Variants in SCP2 observed in about 807,000 individuals in gnomAD.
The protein encoded by SCP2 is SCP-2/3-oxoacyl-CoA thiolase.
SCP2 carries 48 observed loss-of-function variants against 71.4 expected under a neutral mutation model. The observed-to-expected ratio is 0.67, with a 90% CI of 0.53 to 0.86. SCP2 has a LOEUF of 0.86. SCP2 is among the 40% of genes least tolerant of loss of function. The pLI is 0.00. For missense variants in SCP2, 560 were observed against 655.6 expected, an observed-to-expected ratio of 0.85 and a Z score of 1.59; for synonymous variants, 220 against 218.1, an observed-to-expected ratio of 1.01 and a Z score of -0.08.
chr1:52,942,866 A>AT (rs1400079473), intron 2 of SCP2, among the ~76,000 whole-genome samples: 1 of 151,396 alleles, frequency 6.6e-6, no homozygotes, highest in Admixed American at 6.6e-5. Flanking sequence ...CGCCAGGCTA[A>AT]TTTTTTTGTA....
chr1:52,934,592 CTTTTTTTTTTTTTTTTTTTTT>C (rs771433635), intron 1 of SCP2, among the ~76,000 whole-genome samples: 7 of 29,036 alleles, frequency 2.4e-4, no homozygotes, highest in Non-Finnish European at 4.1e-4. Flanking sequence ...TTCCAGCTAA[CTTTTTTTTTTTTTTTTTTTTT>C]TTTTTTTTTT....
At chr1:53,016,395 G>A (rs544385330) in intron 12 of SCP2, among the ~76,000 whole-genome samples, 1 of 152,032 alleles carries the variant, frequency 6.6e-6, no homozygotes, top group South Asian at 2.1e-4. Context: ...TGTTCCTGGA[G>A]TCTCTCATAT....
At chr1:53,021,317 CTTT>C (rs35858975) in intron 12 of SCP2, among the ~76,000 whole-genome samples, 1 of 127,362 alleles carries the variant, frequency 7.9e-6, no homozygotes, top group Admixed American at 8.2e-5. Context: ...CCGTCAACCA[CTTT>C]TTTTTTTTTT....
At chr1:52,934,714 G>C (rs1361587659) in intron 1 of SCP2, among the ~76,000 whole-genome samples, 12 of 139,494 alleles carry the variant, frequency 8.6e-5, no homozygotes, top group Non-Finnish European at 1.5e-4. Flanking sequence ...CTGGGTTCAC[G>C]CCATTCTCCT....
rs1249540810 is a variant in SCP2, at chr1:52,994,785, C to T, written c.1081+6649C>T. The T allele has an allele frequency of 8.8e-6, 5 of 568,116 alleles. No homozygotes were observed. In the East Asian group the frequency reaches 2.4e-4, roughly 27 times the overall value. The allele number at this position is 568,116 out of a possible 1,614,324, so 35.2% of individuals were successfully genotyped here. A position where few individuals can be genotyped will look rare whatever the true frequency, so the allele number is the denominator to read the frequency against. On this transcript the variant is annotated intron_variant, in intron 11 of 15. Transcript: ENST00000371514. ...GTGGCAACCGGATGGGTGCCAAGTG[C>T]TGGGATGTGATCAGTGATGAACGTG...
chr1:52,965,742 C>T (rs950681511), intron 6 of SCP2, among the ~76,000 whole-genome samples: 1 of 152,060 alleles, frequency 6.6e-6, no homozygotes, highest in African/African-American at 2.4e-5. Flanking sequence ...TCAAGCGATT[C>T]TCCTGCCTCA....
At position 53,050,881 on chromosome 1, in the gene SCP2, A is replaced by G. The variant is rs1664159121; in HGVS notation, c.*177A>G. ...CTATGCTCTGGGTGAATAGAGCCTG[A>G]TGGTATACTACTGCTTTGCGGAATT... On this transcript the variant is annotated 3_prime_UTR_variant, in exon 16 of 16. Transcript: ENST00000371514. The G allele has an allele frequency of 3.5e-6, 2 of 579,274 alleles. No homozygotes were observed. Among genetic ancestry groups the G allele is most frequent in the Non-Finnish European group, 6.2e-6 (2 of 321,840 alleles). The allele number at this position is 579,274 out of a possible 1,614,324, so 35.9% of individuals were successfully genotyped here. A position where few individuals can be genotyped will look rare whatever the true frequency, so the allele number is the denominator to read the frequency against.
chr1:52,989,031 T>C (rs1373159078), intron 11 of SCP2, among the ~76,000 whole-genome samples: 1 of 152,138 alleles, frequency 6.6e-6, no homozygotes, highest in African/African-American at 2.4e-5. Flanking sequence ...CTTCAAATAG[T>C]GTTATGCCAT....
chr1:52,933,856 C>T (rs1460857952), intron 1 of SCP2, among the ~76,000 whole-genome samples: 1 of 152,170 alleles, frequency 6.6e-6, no homozygotes, highest in African/African-American at 2.4e-5. Context: ...TGTATGTTGA[C>T]ATTTACACTG....
At chr1:53,002,933 T>TA (rs1317217272) in intron 11 of SCP2, among the ~76,000 whole-genome samples, 4 of 152,236 alleles carry the variant, frequency 2.6e-5, no homozygotes, top group Non-Finnish European at 5.9e-5. Context: ...TGGTAAGGCC[T>TA]AAATCCAATA....
chr1:52,950,673 A>G, intron 3 of SCP2, 82 bp from the exon 4 acceptor site: 1 of 1,145,554 alleles, frequency 8.7e-7, no homozygotes, highest in Non-Finnish European at 1.3e-6. Context: ...AAGGTATAAT[A>G]TTGAAAAAAC....
chr1:53,022,224 A>G (rs567113918), intron 12 of SCP2, among the ~76,000 whole-genome samples: 2 of 152,316 alleles, frequency 1.3e-5, no homozygotes, highest in Admixed American at 6.5e-5. Flanking sequence ...GAAATCATAC[A>G]TTGTATGGCC....
At chr1:53,026,209 A>G (rs1662119990) in intron 12 of SCP2, among the ~76,000 whole-genome samples, 1 of 152,232 alleles carries the variant, frequency 6.6e-6, no homozygotes. Context: ...TCAAATCAGT[A>G]TACTTGGGAT....
intron 12 of SCP2, among the ~76,000 whole-genome samples, chr1:53,016,775 C>T (rs1661369381): frequency 2.0e-5 from 3 of 152,070 alleles, no homozygotes; most frequent in Non-Finnish European, 4.4e-5. Flanking sequence ...ATGCAATGCT[C>T]AGGAGTTTGG....
intron 13 of SCP2, among the ~76,000 whole-genome samples, chr1:53,038,135 G>A (rs1663150436): frequency 6.6e-6 from 1 of 150,780 alleles, no homozygotes; most frequent in African/African-American, 2.4e-5. Flanking sequence ...GACAGAGTGA[G>A]ACCTTGTCTC....
rs192533045 is a variant in SCP2, at chr1:52,998,692, G to C, written c.1081+10556G>C. On this transcript the variant is annotated intron_variant, in intron 11 of 15. Coordinates refer to ENST00000371514, the MANE Select transcript of SCP2 (RefSeq NM_002979.5). ...CAAACAGTGGAATCATTGTGTCAAA[G>C]GGTAGTATACATTTAAAAATCAGTG... is the stretch of plus-strand genomic sequence containing the variant. Among the ~76,000 whole-genome samples the C allele has an allele frequency of 1.9e-3, 294 of 152,294 alleles. 4 individuals carry two copies. The highest frequency in any genetic ancestry group is 1.4e-3 in the Non-Finnish European group (98 of 68,018).
intron 13 of SCP2, among the ~76,000 whole-genome samples, chr1:53,036,726 A>C (rs554170036): frequency 6.6e-6 from 1 of 151,980 alleles, no homozygotes; most frequent in South Asian, 2.1e-4. Context: ...ATCTTAAATG[A>C]GATCATATTT....
intron 5 of SCP2, among the ~76,000 whole-genome samples, chr1:52,958,119 T>C (rs965773104): frequency 2.0e-5 from 3 of 152,246 alleles, no homozygotes; most frequent in Non-Finnish European, 4.4e-5. Flanking sequence ...TTTATCTATT[T>C]GTCTAATTTG....
intron 9 of SCP2, among the ~76,000 whole-genome samples, chr1:52,979,153 T>C (rs1658242747): frequency 6.6e-6 from 1 of 152,106 alleles, no homozygotes; most frequent in Admixed American, 6.6e-5. Context: ...ACATTTTTCA[T>C]TATACCACAG....
Sources: gnomAD v4.1 joint callset for allele counts (sites outside exome capture counted in the v4.1 genomes callset) on GRCh38, gnomAD v4.1.1 for gene constraint, MANE v1.5 for transcripts, NCBI Gene and HGNC (gene_info 2026-07-23, HGNC 2026-07-21) for gene names.